The following PARD3B variants were observed in gnomAD, a reference collection of about 807,000 sequenced individuals.
PARD3B encodes the protein par-3 family cell polarity regulator beta, also known as partitioning defective 3 homolog B.
PARD3B carries 103 observed loss-of-function variants against 130.2 expected under a neutral mutation model. The ratio of observed to expected loss-of-function variants is 0.79; its 90% CI spans 0.67 to 0.93. The LOEUF (loss-of-function observed/expected upper bound fraction) is 0.93, where lower values mean the gene tolerates loss of function less well. Among genes scored for constraint, PARD3B ranks in the 40% least tolerant of loss-of-function variants. The pLI is 0.00. For synonymous variants in PARD3B, 583 were observed against 553.2 expected (o/e 1.05, Z -0.76); for missense variants, 1,609 against 1,499.2 (o/e 1.07, Z -1.21).
chr2:205,523,361 G>C (rs180985026), intron 21 of PARD3B, among the ~76,000 whole-genome samples: 1 of 150,838 alleles, frequency 6.6e-6, no homozygotes, highest in Non-Finnish European at 1.5e-5. Flanking sequence ...TCTTTGCCTC[G>C]GCCTCCTGAG....
intron 15 of PARD3B, among the ~76,000 whole-genome samples, chr2:205,243,133 T>C (rs2039426205): frequency 1.3e-5 from 2 of 152,172 alleles, no homozygotes; most frequent in African/African-American, 4.8e-5. Context: ...GCCATTGCAC[T>C]TTAGCCTGGG....
chr2:205,107,408 T>A (rs1575804612), intron 5 of PARD3B, among the ~76,000 whole-genome samples: 1 of 152,216 alleles, frequency 6.6e-6, no homozygotes, highest in African/African-American at 2.4e-5. Context: ...GGAAAATTGG[T>A]ATCATGGTCA....
intron 11 of PARD3B, among the ~76,000 whole-genome samples, chr2:205,159,161 T>G (rs1224860764): frequency 6.6e-6 from 1 of 152,240 alleles, no homozygotes. Context: ...GCATACTTTT[T>G]ATTACTGCAA....
At position 205,155,337 on chromosome 2, in the gene PARD3B, C is replaced by G. The variant is rs542994795; in HGVS notation, c.1435-3385C>G. 3.9e-5 allele frequency among the ~76,000 whole-genome samples: 6 copies of G among 152,252 alleles called. No homozygotes were observed. The South Asian group carries it at 6.2e-4, about 16-fold the overall frequency. On this transcript the variant is annotated intron_variant, in intron 10 of 22. Coordinates refer to ENST00000406610, the MANE Select transcript of PARD3B (RefSeq NM_001302769.2). ...CCCAGACTCCTTTAAGAAATTTCAA[C>G]AGGCTTTCACAGAGCTATGCCTGCT...
At chr2:205,613,868 C>G (rs2055324937) in intron 22 of PARD3B, among the ~76,000 whole-genome samples, 1 of 152,186 alleles carries the variant, frequency 6.6e-6, no homozygotes, top group Non-Finnish European at 1.5e-5. Context: ...TCCACCTCCA[C>G]AGATTACAGG....
chr2:204,736,157 G>A (rs551986073), intron 2 of PARD3B, among the ~76,000 whole-genome samples: 10 of 134,514 alleles, frequency 7.4e-5, no homozygotes, highest in African/African-American at 2.0e-4. Context: ...AGAAATCTAT[G>A]AGTACTATTT....
At chr2:204,933,987 C>A (rs1010084355) in intron 2 of PARD3B, among the ~76,000 whole-genome samples, 2 of 152,258 alleles carry the variant, frequency 1.3e-5, no homozygotes, top group Non-Finnish European at 1.5e-5. Context: ...TCAAAGCACT[C>A]TTGTTAATTG....
chr2:205,615,297 T>C (rs1033028465), intron 22 of PARD3B, among the ~76,000 whole-genome samples, 159 bp from the exon 23 acceptor site: 1 of 152,056 alleles, frequency 6.6e-6, no homozygotes, highest in Non-Finnish European at 1.5e-5. Context: ...AGAAGTTCCC[T>C]TCTCTTCTTT....
At chr2:205,489,564 A>ATATACATATATACATATT (rs2049608976) in intron 20 of PARD3B, among the ~76,000 whole-genome samples, 2 of 146,180 alleles carry the variant, frequency 1.4e-5, no homozygotes, top group Non-Finnish European at 3.0e-5. Flanking sequence ...ATATACATAT[A>ATATACATATATACATATT]TATACACACA....
At chr2:204,942,149 A>G (rs1688953088) in intron 2 of PARD3B, among the ~76,000 whole-genome samples, 1 of 152,212 alleles carries the variant, frequency 6.6e-6, no homozygotes, top group Non-Finnish European at 1.5e-5. Context: ...TATAGTAATC[A>G]AAGCAGTTCT....
At chr2:205,532,561 A>G (rs547033579) in intron 21 of PARD3B, among the ~76,000 whole-genome samples, 1 of 152,342 alleles carries the variant, frequency 6.6e-6, no homozygotes, top group East Asian at 1.9e-4. Flanking sequence ...GCAGTTGTCT[A>G]AATTAATAGT....
At chr2:205,022,461 A>G (rs1393834973) in intron 3 of PARD3B, among the ~76,000 whole-genome samples, 1 of 152,198 alleles carries the variant, frequency 6.6e-6, no homozygotes, top group African/African-American at 2.4e-5. Flanking sequence ...TTTCTCATAA[A>G]ATATGCAAAG....
At chr2:204,941,843 T>C (rs2125803783) in intron 2 of PARD3B, among the ~76,000 whole-genome samples, 1 of 151,088 alleles carries the variant, frequency 6.6e-6, no homozygotes, top group African/African-American at 2.4e-5. Context: ...AGTGTGTGTG[T>C]ATATATATAT....
chr2:205,302,251 T>A (rs1229731140), intron 18 of PARD3B, among the ~76,000 whole-genome samples: 1 of 151,724 alleles, frequency 6.6e-6, no homozygotes, highest in African/African-American at 2.4e-5. Flanking sequence ...GTATTTTTAG[T>A]AGAGTGGAGT....
intron 3 of PARD3B, among the ~76,000 whole-genome samples, chr2:204,973,695 A>C (rs1480829998): frequency 2.0e-5 from 3 of 152,210 alleles, no homozygotes; most frequent in African/African-American, 7.2e-5. Context: ...TTATCTGATA[A>C]AGCCTTATGA....
At chr2:205,181,433 T>C (rs999245994) in intron 13 of PARD3B, among the ~76,000 whole-genome samples, 3 of 152,200 alleles carry the variant, frequency 2.0e-5, no homozygotes, top group Non-Finnish European at 2.9e-5. Flanking sequence ...TCCTTAAGAA[T>C]AGTCTGAAGC....
chr2:204,799,459 G>A lies in PARD3B; in HGVS notation c.222+113177G>A, dbSNP rs76750786. Among the ~76,000 whole-genome samples, 378 of 152,306 alleles carry A rather than the reference G, an allele frequency of 2.5e-3. 3 individuals carry two copies. The highest frequency in any genetic ancestry group is 8.7e-3 in the African/African-American group (363 of 41,582). ...TCAAGGAAGACCTCATTACCCTGAC[G>A]GGGACACAAGCCTCTCTGGGTTTCC... On this transcript the variant is annotated intron_variant, in intron 2 of 22. Transcript: ENST00000406610. The surrounding 1 kb of genome is among the most constrained non-coding windows in gnomAD (Gnocchi z 4.1).
At chr2:204,886,545 C>T (rs1372213149) in intron 2 of PARD3B, among the ~76,000 whole-genome samples, 1 of 152,172 alleles carries the variant, frequency 6.6e-6, no homozygotes, top group Non-Finnish European at 1.5e-5. Flanking sequence ...CATAAATGGT[C>T]TTTAGGCTGA....
intron 2 of PARD3B, among the ~76,000 whole-genome samples, chr2:204,789,503 G>A (rs1290827632): frequency 6.6e-6 from 1 of 152,200 alleles, no homozygotes; most frequent in Non-Finnish European, 1.5e-5. Flanking sequence ...TCCATCAGAA[G>A]TAGTAAAATC....
Sources: allele counts gnomAD v4.1 joint callset (sites outside exome capture counted in the v4.1 genomes callset), GRCh38; gene constraint gnomAD v4.1.1; non-coding constraint Gnocchi (gnomAD v3.1); transcripts MANE v1.5; gene names NCBI Gene and HGNC (gene_info 2026-07-23, HGNC 2026-07-21).